The following ILDR2 variants were observed in gnomAD, a reference collection of about 807,000 sequenced individuals.
The protein encoded by ILDR2 is immunoglobulin-like domain-containing receptor 2.
Under a neutral mutation model 66.8 loss-of-function variants are expected in ILDR2, and 25 were observed. That is an observed-to-expected ratio of 0.37 (90% CI 0.27 to 0.52). The LOEUF is 0.52. ILDR2 is among the 20% of genes least tolerant of loss of function. ILDR2 has a pLI of 0.88. For synonymous variants in ILDR2, 367 were observed against 357.2 expected, an observed-to-expected ratio of 1.03 and a Z score of -0.31; for missense variants, 827 against 876.8, an observed-to-expected ratio of 0.94 and a Z score of 0.72.
intron 3 of ILDR2, among the ~76,000 whole-genome samples, chr1:166,952,236 T>C (rs1662023642): frequency 6.6e-6 from 1 of 152,176 alleles, no homozygotes; most frequent in Non-Finnish European, 1.5e-5. Flanking sequence ...AAACAGCCTG[T>C]CCTTACCATG....
chr1:166,919,068 G>T lies in ILDR2; in HGVS notation c.*287C>A. ...GCAAATGGAGTCCTGGTTCTGTTAAGGGAGGAGGCTGGGCAGGATAAACGC... is the reference window on the plus strand; with the variant it reads ...GCAAATGGAGTCCTGGTTCTGTTAATGGAGGAGGCTGGGCAGGATAAACGC... On this transcript the variant is annotated 3_prime_UTR_variant, in exon 10 of 10. Transcript: ENST00000271417. 2.1e-6 allele frequency: 1 copy of T among 471,516 alleles called. No individual in the cohort carries two copies. The highest frequency in any genetic ancestry group is 3.7e-6 in the Non-Finnish European group (1 of 266,986). 29.2% of individuals were successfully genotyped at this position (471,516 alleles called of 1,614,324 possible). A position where few individuals can be genotyped will look rare whatever the true frequency, so the allele number is the denominator to read the frequency against.
intron 7 of ILDR2, 43 bp from the exon 8 acceptor site, chr1:166,922,852 T>A: frequency 6.5e-7 from 1 of 1,535,088 alleles, no homozygotes; most frequent in Non-Finnish European, 9.0e-7. Context: ...TTTGTGTTAC[T>A]CTGTTTTAGA....
intron 7 of ILDR2, among the ~76,000 whole-genome samples, chr1:166,924,066 C>G (rs1031438884): frequency 6.6e-6 from 1 of 152,140 alleles, no homozygotes; most frequent in Non-Finnish European, 1.5e-5. Flanking sequence ...GAGGGAGGGT[C>G]TCCCAACACA....
rs1239194617 is a variant in ILDR2, at chr1:166,911,477, C to T, written c.*7878G>A. 3 of 151,838 alleles carry T rather than the reference C, an allele frequency of 2.0e-5. No individual in the cohort carries two copies. The highest frequency in any genetic ancestry group is 4.8e-5 in the African/African-American group (2 of 41,352). The allele number at this position is 151,838 out of a possible 1,614,324, so 9.4% of individuals were successfully genotyped here. On this transcript the variant is annotated 3_prime_UTR_variant, in exon 10 of 10. Coordinates refer to ENST00000271417, the MANE Select transcript of ILDR2 (RefSeq NM_199351.3). Reference sequence around the variant, plus strand: ...GGCACAATGTAATATGGCATTGCACCACACATGAGCTTAAAATAAAAAACT... The same window carrying T: ...GGCACAATGTAATATGGCATTGCACTACACATGAGCTTAAAATAAAAAACT...
chr1:166,937,729 C>G lies in ILDR2; in HGVS notation c.557-992G>C, dbSNP rs372052689. ...TTAGAGACTTGGCTACAGGACCCAA[C>G]TTCCCCTGGAGGCCTGGACAGACTG... On this transcript the variant is annotated intron_variant, in intron 4 of 9. Coordinates refer to ENST00000271417, the MANE Select transcript of ILDR2 (RefSeq NM_199351.3). Among the ~76,000 whole-genome samples, 10 of 152,358 alleles carry G rather than the reference C, an allele frequency of 6.6e-5. No individual in the cohort carries two copies. The East Asian group carries it at 1.9e-3, about 29-fold the overall frequency.
Position 166,913,390 on chromosome 1 carries a change from C to T in ILDR2, c.*5965G>A, listed in dbSNP as rs1309401804. 6.6e-6 allele frequency: 1 copy of T among 152,210 alleles called. No individual in the cohort carries two copies. The highest frequency in any genetic ancestry group is 1.5e-5 in the Non-Finnish European group (1 of 68,038). The allele number at this position is 152,210 out of a possible 1,614,324, so 9.4% of individuals were successfully genotyped here. ...TTCTCACCCTTCTCTGTCCCACCCT[C>T]CTACTCCCTTGTTCTTTATTCTCAC... On this transcript the variant is annotated 3_prime_UTR_variant, in exon 10 of 10. Transcript: ENST00000271417.
intron 3 of ILDR2, among the ~76,000 whole-genome samples, chr1:166,951,190 C>T (rs1661958248): frequency 6.6e-6 from 1 of 152,196 alleles, no homozygotes; most frequent in Admixed American, 6.5e-5. Context: ...AACAACAGGA[C>T]TTTTACTGAA....
intron 3 of ILDR2, among the ~76,000 whole-genome samples, chr1:166,940,637 G>A (rs1173320416): frequency 6.6e-6 from 1 of 152,110 alleles, no homozygotes; most frequent in East Asian, 1.9e-4. Flanking sequence ...GCTTTTCCAG[G>A]AAGTACAATA....
chr1:166,902,881 C>A (rs886196352), intron 2 of ILDR2, among the ~76,000 whole-genome samples: 4 of 152,164 alleles, frequency 2.6e-5, no homozygotes, highest in African/African-American at 9.7e-5. Flanking sequence ...TTATTCAAGT[C>A]AAAGACCTAG....
intron 2 of ILDR2, among the ~76,000 whole-genome samples, chr1:166,896,463 A>G (rs1659168540): frequency 6.6e-6 from 1 of 152,108 alleles, no homozygotes. Flanking sequence ...GCTCTCAAGT[A>G]GGTAAAATGT....
Position 166,918,310 on chromosome 1 carries a change from C to G in ILDR2, c.*1045G>C, listed in dbSNP as rs1003708240. On this transcript the variant is annotated 3_prime_UTR_variant, in exon 10 of 10. Coordinates refer to ENST00000271417, the MANE Select transcript of ILDR2 (RefSeq NM_199351.3). Reference sequence around the variant, plus strand: ...GAACTGGGATGGCAGAAACAATTAACGGCAAGTGAAGCACAAAACCGGAAA... The same window carrying G: ...GAACTGGGATGGCAGAAACAATTAAGGGCAAGTGAAGCACAAAACCGGAAA... The G allele has an allele frequency of 1.3e-5, 2 of 152,128 alleles. No homozygotes were observed. The highest frequency in any genetic ancestry group is 4.8e-5 in the African/African-American group (2 of 41,418). 9.4% of individuals were successfully genotyped at this position (152,128 alleles called of 1,614,324 possible).
chr1:166,933,163 G>T (rs1324685233), intron 6 of ILDR2, among the ~76,000 whole-genome samples: 1 of 152,208 alleles, frequency 6.6e-6, no homozygotes, highest in Non-Finnish European at 1.5e-5. Flanking sequence ...GTAAATAGTT[G>T]TTTAGGCCTA....
intron 1 of ILDR2, among the ~76,000 whole-genome samples, chr1:166,965,582 G>GTT (rs60596259): frequency 2.4e-5 from 3 of 123,984 alleles, no homozygotes; most frequent in South Asian, 5.3e-4. Context: ...TTTTTTTTTT[G>GTT]TTTTTTTTTT....
In ILDR2 at chr1:166,936,848, A is replaced by AC; in HGVS notation, c.557-112_557-111insG. 9.6e-7 allele frequency: 1 copy of AC among 1,038,942 alleles called. No individual in the cohort carries two copies. Among genetic ancestry groups the AC allele is most frequent in the Non-Finnish European group, 1.4e-6 (1 of 696,872 alleles). The allele number at this position is 1,038,942 out of a possible 1,614,324, so 64.4% of individuals were successfully genotyped here. On this transcript the variant is annotated intron_variant, in intron 4 of 9. Transcript: ENST00000271417. This position sits in a 1 kb window ranked among gnomAD's most constrained non-coding sequence, Gnocchi z 5.0. ...GGGGAGAGGAGGAGGGACCTAGGGA[A>AC]GAAAGCTTCTCTTAACAGGAGACAG... is the stretch of plus-strand genomic sequence containing the variant.
At position 166,909,781 on chromosome 1, in the gene ILDR2, T is replaced by TATATA. The variant is rs1557921377; in HGVS notation, c.*9573_*9574insTATAT. On this transcript the variant is annotated 3_prime_UTR_variant, in exon 10 of 10. Transcript: ENST00000271417. ...TATAAATATATATAAATATATATAT[T>TATATA]TATATATATATATATATATATATAT... 2,101 of 64,108 alleles carry TATATA rather than the reference T, an allele frequency of 0.033. 129 individuals are homozygous for TATATA. Among genetic ancestry groups the TATATA allele is most frequent in the Non-Finnish European group, 0.043 (1,485 of 34,744 alleles). 4.0% of individuals were successfully genotyped at this position (64,108 alleles called of 1,614,324 possible). A position where few individuals can be genotyped will look rare whatever the true frequency, so the allele number is the denominator to read the frequency against.
In ILDR2 at chr1:166,912,493, C is replaced by T. The variant is rs1290662156; in HGVS notation, c.*6862G>A. 4 of 152,014 alleles carry T rather than the reference C, an allele frequency of 2.6e-5. No homozygotes were observed. The highest frequency in any genetic ancestry group is 2.1e-4 in the South Asian group (1 of 4,814). 9.4% of individuals were successfully genotyped at this position (152,014 alleles called of 1,614,324 possible). ...AAAATATTTTATAAAGCTGAAAAAC[C>T]TAAATGGAATTAAAACACAAAATAA... is the stretch of plus-strand genomic sequence containing the variant. On this transcript the variant is annotated 3_prime_UTR_variant, in exon 10 of 10. Transcript: ENST00000271417.
At chr1:166,973,472 T>G (rs923558889) in intron 1 of ILDR2, among the ~76,000 whole-genome samples, 1 of 152,090 alleles carries the variant, frequency 6.6e-6, no homozygotes, top group Non-Finnish European at 1.5e-5. Context: ...GTGATATGAT[T>G]CCATTTCATA....
At chr1:166,965,572 T>TG (rs1342623985) in intron 1 of ILDR2, among the ~76,000 whole-genome samples, 1 of 147,118 alleles carries the variant, frequency 6.8e-6, no homozygotes, top group Non-Finnish European at 1.5e-5. Context: ...TAGGTTTTGT[T>TG]TTTTTTTTTG....
chr1:166,969,198 G>A (rs528711525), intron 1 of ILDR2, among the ~76,000 whole-genome samples: 1 of 152,164 alleles, frequency 6.6e-6, no homozygotes, highest in African/African-American at 2.4e-5. Flanking sequence ...CCCCCTACAC[G>A]CTGCCTCCTG....
Sources: allele counts gnomAD v4.1 joint callset (sites outside exome capture counted in the v4.1 genomes callset), GRCh38; gene constraint gnomAD v4.1.1; non-coding constraint Gnocchi (gnomAD v3.1); transcripts MANE v1.5; gene names NCBI Gene and HGNC (gene_info 2026-07-23, HGNC 2026-07-21).